Variants in MTHFD1L observed in about 807,000 individuals in gnomAD.
The protein encoded by MTHFD1L is methylenetetrahydrofolate dehydrogenase (NADP+ dependent) 1 like, also known as monofunctional C1-tetrahydrofolate synthase, mitochondrial.
Under a neutral mutation model 119.5 loss-of-function variants are expected in MTHFD1L, and 81 were observed. The ratio of observed to expected loss-of-function variants is 0.68; its 90% CI spans 0.57 to 0.82. The LOEUF is 0.82. Among genes scored for constraint, MTHFD1L ranks in the 40% least tolerant of loss-of-function variants. The pLI is 0.00. For missense variants in MTHFD1L, 1,125 were observed against 1,253.4 expected (o/e 0.90, Z 1.55); for synonymous variants, 430 against 475.2 (o/e 0.90, Z 1.24).
In MTHFD1L at chr6:150,937,442, T is replaced by C. The variant is rs538377236; in HGVS notation, c.1393+502T>C. 1.4e-4 allele frequency among the ~76,000 whole-genome samples: 21 copies of C among 152,334 alleles called. 2 individuals are homozygous for C. The South Asian group carries it at 3.7e-3, about 27-fold the overall frequency. ...TGATATCTGGCACTTCCCCATTCATTACTCTTTCTTCCCTGATTTATCATG... is the reference window on the plus strand; with the variant it reads ...TGATATCTGGCACTTCCCCATTCATCACTCTTTCTTCCCTGATTTATCATG... On this transcript the variant is annotated intron_variant, in intron 12 of 27. Transcript: ENST00000367321.
At chr6:150,955,525 G>A (rs1170186243) in intron 16 of MTHFD1L, among the ~76,000 whole-genome samples, 1 of 146,038 alleles carries the variant, frequency 6.8e-6, no homozygotes, top group Non-Finnish European at 1.5e-5. Context: ...TTTTAGAGGG[G>A]GTCTCACTCT....
chr6:150,981,592 CATAA>C (rs945689855), intron 20 of MTHFD1L, among the ~76,000 whole-genome samples: 2 of 152,168 alleles, frequency 1.3e-5, no homozygotes, highest in African/African-American at 4.8e-5. Flanking sequence ...ATGGCAAGAT[CATAA>C]ATAGTTTGGG....
chr6:150,925,989 C>A, intron 10 of MTHFD1L, 133 bp from the exon 11 acceptor site: 1 of 694,766 alleles, frequency 1.4e-6, no homozygotes, highest in Non-Finnish European at 2.4e-6. Context: ...GTGCTTATTA[C>A]TGCCTGGGAG....
intron 4 of MTHFD1L, among the ~76,000 whole-genome samples, chr6:150,879,099 C>G (rs1780943938): frequency 6.6e-6 from 1 of 152,052 alleles, no homozygotes; most frequent in South Asian, 2.1e-4. Flanking sequence ...AAGCTAAAAA[C>G]CAAGAGTTTA....
At chr6:151,036,874 C>T (rs1786254406) in intron 25 of MTHFD1L, 91 bp from the exon 26 acceptor site, 5 of 1,390,746 alleles carry the variant, frequency 3.6e-6, no homozygotes, top group East Asian at 2.3e-5. Context: ...GCCGGCATAC[C>T]ATTGCTGCCG....
At chr6:151,020,776 T>C (rs971545800) in intron 24 of MTHFD1L, among the ~76,000 whole-genome samples, 16 of 152,362 alleles carry the variant, frequency 1.1e-4, no homozygotes, top group African/African-American at 3.8e-4. Context: ...TTTTCCTTTC[T>C]AATGTGACTT....
At chr6:151,085,784 A>G (rs1375516512) in intron 26 of MTHFD1L, among the ~76,000 whole-genome samples, 1 of 151,410 alleles carries the variant, frequency 6.6e-6, no homozygotes, top group Non-Finnish European at 1.5e-5. Flanking sequence ...AAAAAAAACA[A>G]TGACTTTGAC....
chr6:150,973,865 CTGG>C (rs2129024322), intron 20 of MTHFD1L, among the ~76,000 whole-genome samples: 1 of 152,238 alleles, frequency 6.6e-6, no homozygotes, highest in African/African-American at 2.4e-5. Flanking sequence ...GGAGCCCTGA[CTGG>C]TAGTGTGTTT....
chr6:151,083,064 G>A (rs540018078), intron 26 of MTHFD1L, among the ~76,000 whole-genome samples: 9 of 152,336 alleles, frequency 5.9e-5, no homozygotes, highest in South Asian at 4.1e-4. Context: ...CTGTAGATGG[G>A]AATGGGCAAG....
intron 27 of MTHFD1L, among the ~76,000 whole-genome samples, chr6:151,101,275 C>G (rs1795348288): frequency 1.3e-5 from 2 of 152,170 alleles, no homozygotes; most frequent in African/African-American, 4.8e-5. Context: ...CCAAGTAAAT[C>G]TCTTGGGAAG....
intron 4 of MTHFD1L, 48 bp from the exon 5 acceptor site, chr6:150,882,714 C>G: frequency 7.5e-7 from 1 of 1,331,480 alleles, no homozygotes; most frequent in Non-Finnish European, 1.0e-6. Flanking sequence ...TGTTGGGTCT[C>G]ATTTTCACAA....
chr6:150,877,874 A>G, intron 4 of MTHFD1L, 48 bp downstream of exon 4: 2 of 1,605,254 alleles, frequency 1.2e-6, no homozygotes, highest in Non-Finnish European at 1.7e-6. Flanking sequence ...TCCTCTTGAG[A>G]CTTAATAGGC....
At chr6:151,003,876 G>C (rs1322394637) in intron 20 of MTHFD1L, among the ~76,000 whole-genome samples, 1 of 152,084 alleles carries the variant, frequency 6.6e-6, no homozygotes, top group Non-Finnish European at 1.5e-5. Flanking sequence ...ATTATCTCCA[G>C]AAAGTAACTG....
rs757883102 is a variant in MTHFD1L at position 150,882,863 on chromosome 6, G to A, written c.519G>A (p.Leu173=). The stretch of plus-strand genomic sequence containing the variant: ...TTAGCAACAAAGTCCTCAATGCCTT[G>A]AAACCAGAAAAAGATGTGGATGGGT... The part of the protein sequence containing the change: ...NLFSNKVLNA[L]KPEKDVDGVT... The change falls in exon 5 of 28, where the codon TTG becomes TTA. Residue 173 remains leucine (L), a synonymous_variant. Coordinates refer to ENST00000367321, the MANE Select transcript of MTHFD1L (RefSeq NM_015440.5). 3.2e-6 allele frequency: 5 copies of A among 1,572,450 alleles called. No individual in the cohort carries two copies. The South Asian group carries it at 6.1e-5, about 19-fold the overall frequency.
intron 25 of MTHFD1L, among the ~76,000 whole-genome samples, chr6:151,036,259 T>A (rs1488590455): frequency 3.3e-5 from 5 of 149,284 alleles, no homozygotes; most frequent in Non-Finnish European, 7.5e-5. Flanking sequence ...TCTATTTTTA[T>A]TTTTTTTTTA....
intron 7 of MTHFD1L, among the ~76,000 whole-genome samples, chr6:150,889,348 G>A (rs940078329): frequency 2.6e-5 from 4 of 152,152 alleles, no homozygotes; most frequent in South Asian, 2.1e-4. Context: ...AAATATAGGC[G>A]TATGCATTTA....
At chr6:150,937,584 A>G (rs930188606) in intron 12 of MTHFD1L, among the ~76,000 whole-genome samples, 1 of 152,226 alleles carries the variant, frequency 6.6e-6, no homozygotes, top group Non-Finnish European at 1.5e-5. Context: ...CATATTAATA[A>G]CGTATCTCAT....
chr6:150,935,316 A>G, intron 11 of MTHFD1L: 5 of 1,612,392 alleles, frequency 3.1e-6, no homozygotes, highest in Non-Finnish European at 4.2e-6. Context: ...GAACTTCACA[A>G]AATAACTAGG....
chr6:151,039,911 T>C lies in MTHFD1L; in HGVS notation c.2847+2794T>C, dbSNP rs1786804271. Among the ~76,000 whole-genome samples, 1 of 145,526 alleles carries C rather than the reference T, an allele frequency of 6.9e-6. No individual in the cohort carries two copies. ...GCCTGGGTGACAGAGCAAGACTTCATCTCTAAATACATACATACATACATA... is the reference window on the plus strand; with the variant it reads ...GCCTGGGTGACAGAGCAAGACTTCACCTCTAAATACATACATACATACATA... On this transcript the variant is annotated intron_variant, in intron 26 of 27. Transcript: ENST00000367321. This position sits in a 1 kb window ranked among gnomAD's most constrained non-coding sequence, Gnocchi z 4.4.
Sources: allele counts gnomAD v4.1 joint callset (sites outside exome capture counted in the v4.1 genomes callset), GRCh38; gene constraint gnomAD v4.1.1; non-coding constraint Gnocchi (gnomAD v3.1); transcripts MANE v1.5; gene names NCBI Gene and HGNC (gene_info 2026-07-23, HGNC 2026-07-21).